Variants in IMMP2L observed in about 807,000 individuals in gnomAD.
The protein encoded by IMMP2L is mitochondrial inner membrane protease subunit 2.
In IMMP2L, 18 loss-of-function variants were observed where a neutral mutation model predicts 19.3. The observed-to-expected ratio is 0.93, with a 90% CI of 0.64 to 1.38. The LOEUF is 1.38. Ranked by LOEUF, IMMP2L falls within the 40% of genes most tolerant of loss-of-function variation. The pLI is 0.00. For synonymous variants in IMMP2L, 76 were observed against 73.0 expected, an observed-to-expected ratio of 1.04 and a Z score of -0.21; for missense variants, 233 against 218.2, an observed-to-expected ratio of 1.07 and a Z score of -0.43.
chr7:111,191,460 ACACACACACACAC>A (rs1430920793), intron 3 of IMMP2L, among the ~76,000 whole-genome samples: 1 of 151,696 alleles, frequency 6.6e-6, no homozygotes, highest in Non-Finnish European at 1.5e-5. Context: ...ACACACACAC[ACACACACACACAC>A]AAAACTTATA....
chr7:111,195,814 GTTTATTTTAT>G (rs1016033669), intron 3 of IMMP2L, among the ~76,000 whole-genome samples: 1 of 8,262 alleles, frequency 1.2e-4, no homozygotes, highest in Admixed American at 2.7e-3. Flanking sequence ...AATTTTTATT[GTTTATTTTAT>G]TTTATTTCAT....
chr7:111,182,273 A>T (rs549468252), intron 3 of IMMP2L, among the ~76,000 whole-genome samples: 134 of 152,134 alleles, frequency 8.8e-4, no homozygotes, highest in African/African-American at 3.2e-3. Context: ...AATAATGCTA[A>T]TGAAACTAAA....
At chr7:110,698,761 G>A (rs926123084) in intron 5 of IMMP2L, among the ~76,000 whole-genome samples, 1 of 152,140 alleles carries the variant, frequency 6.6e-6, no homozygotes, top group Non-Finnish European at 1.5e-5. Context: ...TATGTGTCCA[G>A]TATTCACCTT....
chr7:110,731,409 G>T (rs757802046), intron 5 of IMMP2L, among the ~76,000 whole-genome samples: 1 of 152,106 alleles, frequency 6.6e-6, no homozygotes, highest in Non-Finnish European at 1.5e-5. Context: ...CTAACAGCAA[G>T]AATGTATTTA....
chr7:111,124,858 G>C (rs1456937346), intron 3 of IMMP2L: 1 of 1,563,156 alleles, frequency 6.4e-7, no homozygotes, highest in African/African-American at 1.4e-5. Context: ...ATCACTGAAA[G>C]TAAAAGCAAC....
intron 3 of IMMP2L, among the ~76,000 whole-genome samples, chr7:111,147,072 T>G (rs1414738595): frequency 6.6e-6 from 1 of 152,174 alleles, no homozygotes; most frequent in Non-Finnish European, 1.5e-5. Context: ...TCTTATTATC[T>G]GTTCCTTTTT....
intron 3 of IMMP2L, among the ~76,000 whole-genome samples, chr7:111,412,653 G>C (rs1015747881): frequency 5.9e-5 from 9 of 151,796 alleles, no homozygotes; most frequent in African/African-American, 1.9e-4. Flanking sequence ...TTCCCCAAAT[G>C]TGCTACACAC....
intron 5 of IMMP2L, among the ~76,000 whole-genome samples, chr7:110,792,267 T>G (rs1276316809): frequency 1.3e-5 from 2 of 151,476 alleles, no homozygotes; most frequent in Non-Finnish European, 2.9e-5. Flanking sequence ...TTATACATAC[T>G]TACCTCCTAG....
At chr7:111,119,264 A>T (rs1217714954) in intron 3 of IMMP2L, among the ~76,000 whole-genome samples, 3 of 152,190 alleles carry the variant, frequency 2.0e-5, no homozygotes, top group Non-Finnish European at 4.4e-5. Flanking sequence ...CAGGGGCAAT[A>T]GATTTCTATT....
At position 111,521,407 on chromosome 7, in the gene IMMP2L, G is replaced by T; in HGVS notation, c.41C>A (p.Ala14Asp). 1 of 1,612,820 alleles carries T rather than the reference G, an allele frequency of 6.2e-7. No homozygotes were observed. ...SQGWVKRYIK[A>D]FCKGFFVAVP... The stretch of plus-strand genomic sequence containing the variant: ...CGCCACAAAGAAGCCTTTACAAAAG[G>T]CCTTGATGTATCTTTTCACCCACCC... Residue 14 changes from alanine to aspartate, a missense_variant, in exon 2 of 6, where the codon GCC (alanine) becomes GAC (aspartate). Physicochemically the swap from Ala to Asp is moderately radical, Grantham distance 126. Transcript: ENST00000405709.
chr7:111,355,247 A>G (rs1034590533), intron 3 of IMMP2L, among the ~76,000 whole-genome samples: 1 of 151,910 alleles, frequency 6.6e-6, no homozygotes. Flanking sequence ...TTTAAAAATC[A>G]AAATGAATAA....
intron 1 of IMMP2L, among the ~76,000 whole-genome samples, chr7:111,540,890 G>A (rs536529695): frequency 9.5e-4 from 144 of 152,226 alleles, no homozygotes; most frequent in Non-Finnish European, 1.5e-3. Context: ...GAGAGTAACG[G>A]AGAAAATAAG....
At chr7:111,549,019 G>A (rs1211491840) in intron 1 of IMMP2L, among the ~76,000 whole-genome samples, 1 of 152,128 alleles carries the variant, frequency 6.6e-6, no homozygotes, top group Non-Finnish European at 1.5e-5. Context: ...AGCACACAAT[G>A]AGAATATCCC....
At chr7:111,127,113 G>A (rs934516558) in intron 3 of IMMP2L, among the ~76,000 whole-genome samples, 6 of 152,122 alleles carry the variant, frequency 3.9e-5, no homozygotes, top group Non-Finnish European at 5.9e-5. Flanking sequence ...CTAATTCAAC[G>A]TGTTTCTCAA....
intron 3 of IMMP2L, among the ~76,000 whole-genome samples, chr7:111,120,405 C>G (rs1383034420): frequency 1.3e-5 from 2 of 152,046 alleles, no homozygotes; most frequent in East Asian, 3.9e-4. Context: ...ATAAAAACAT[C>G]AGATCTCCTG....
intron 1 of IMMP2L, among the ~76,000 whole-genome samples, chr7:111,536,322 T>A (rs1341772479): frequency 2.6e-5 from 4 of 152,058 alleles, no homozygotes; most frequent in South Asian, 2.1e-4. Context: ...TTTGGGGTTT[T>A]TTTGAAACAA....
chr7:110,864,144 A>G (rs1380134097), intron 5 of IMMP2L, among the ~76,000 whole-genome samples: 10 of 152,180 alleles, frequency 6.6e-5, no homozygotes, highest in African/African-American at 2.2e-4. Flanking sequence ...CCATGTTTCA[A>G]AAGTTTCTAA....
intron 3 of IMMP2L, among the ~76,000 whole-genome samples, chr7:111,404,916 T>G (rs1009986032): frequency 6.6e-6 from 1 of 152,096 alleles, no homozygotes; most frequent in Non-Finnish European, 1.5e-5. Flanking sequence ...GTGTCTAAAG[T>G]AGTTCCTTAA....
At chr7:111,558,035 G>A (rs1166547588) in intron 1 of IMMP2L, among the ~76,000 whole-genome samples, 1 of 152,016 alleles carries the variant, frequency 6.6e-6, no homozygotes, top group Non-Finnish European at 1.5e-5. Context: ...GGTTATTCAG[G>A]TAGTATGAAG....
Sources: gnomAD v4.1 joint callset for allele counts (sites outside exome capture counted in the v4.1 genomes callset) on GRCh38, gnomAD v4.1.1 for gene constraint, MANE v1.5 for transcripts, NCBI Gene and HGNC (gene_info 2026-07-23, HGNC 2026-07-21) for gene names.